Variants in PTPRD observed in about 807,000 individuals in gnomAD.
PTPRD encodes the protein receptor-type tyrosine-protein phosphatase delta.
Under a neutral mutation model 214.5 loss-of-function variants are expected in PTPRD, and 34 were observed. The ratio of observed to expected loss-of-function variants is 0.16; its 90% confidence interval spans 0.12 to 0.21. The LOEUF (loss-of-function observed/expected upper bound fraction) is 0.21, where lower values mean the gene tolerates loss of function less well. PTPRD is among the 10% of genes least tolerant of loss of function. The pLI, the probability that PTPRD is intolerant of heterozygous loss-of-function variation, is 1.00. For synonymous variants in PTPRD, 1,128 were observed against 845.7 expected (o/e 1.33, Z -5.79); for missense variants, 2,545 against 2,398.7 (o/e 1.06, Z -1.27).
chr9:10,011,480 T>C (rs1401674030), intron 4 of PTPRD, among the ~76,000 whole-genome samples: 1 of 151,974 alleles, frequency 6.6e-6, no homozygotes, highest in African/African-American at 2.4e-5. Context: ...TGCATAAGTA[T>C]CTTAAATTAG....
At chr9:8,432,243 C>T (rs1322794519) in intron 35 of PTPRD, among the ~76,000 whole-genome samples, 1 of 152,182 alleles carries the variant, frequency 6.6e-6, no homozygotes, top group East Asian at 1.9e-4. Context: ...ACTTAAATTC[C>T]AGCAGGACTT....
chr9:9,535,011 C>T lies in PTPRD; in HGVS notation c.-237+39721G>A, dbSNP rs139005970. The stretch of plus-strand genomic sequence containing the variant: ...AATTTTACAGACTAAATGTAGACAG[C>T]GAAATGTCCAAATAAAATGCAAGAT... On this transcript the variant is annotated intron_variant, in intron 8 of 45. Transcript: ENST00000381196. Among the ~76,000 whole-genome samples, 983 of 152,066 alleles carry T rather than the reference C, an allele frequency of 6.5e-3. 4 individuals are homozygous for T. Among genetic ancestry groups the T allele is most frequent in the Non-Finnish European group, 0.011 (742 of 67,972 alleles).
chr9:9,965,030 A>T (rs1287590666), intron 4 of PTPRD, among the ~76,000 whole-genome samples: 1 of 152,170 alleles, frequency 6.6e-6, no homozygotes, highest in Non-Finnish European at 1.5e-5. Context: ...CTCTTATTTC[A>T]ACAATGTGTA....
At chr9:9,985,802 T>G (rs995080303) in intron 4 of PTPRD, among the ~76,000 whole-genome samples, 3 of 151,962 alleles carry the variant, frequency 2.0e-5, no homozygotes, top group African/African-American at 7.2e-5. Context: ...TATTTTATAT[T>G]ATTAATGAGT....
At chr9:9,992,265 A>G (rs2154080565) in intron 4 of PTPRD, among the ~76,000 whole-genome samples, 1 of 152,344 alleles carries the variant, frequency 6.6e-6, no homozygotes, top group African/African-American at 2.4e-5. Context: ...CAATAAAGCT[A>G]CTAAAAGTTA....
chr9:10,258,466 ATG>A (rs1393986792), intron 3 of PTPRD, among the ~76,000 whole-genome samples: 2 of 152,228 alleles, frequency 1.3e-5, no homozygotes, highest in Non-Finnish European at 2.9e-5. Context: ...ACTACTAATA[ATG>A]TGTTTAGATC....
chr9:10,041,199 A>C (rs570194886), intron 3 of PTPRD, among the ~76,000 whole-genome samples: 3 of 152,010 alleles, frequency 2.0e-5, no homozygotes, highest in Non-Finnish European at 2.9e-5. Flanking sequence ...TTGTTTTTTC[A>C]TGCCCACACA....
chr9:8,720,516 G>T (rs1190612735), intron 12 of PTPRD, among the ~76,000 whole-genome samples: 2 of 152,152 alleles, frequency 1.3e-5, no homozygotes, highest in African/African-American at 4.8e-5. Context: ...CCATGATGAT[G>T]AGTAAAAAGT....
intron 2 of PTPRD, among the ~76,000 whole-genome samples, chr9:10,406,233 G>A (rs1342723558): frequency 6.6e-6 from 1 of 151,272 alleles, no homozygotes; most frequent in Non-Finnish European, 1.5e-5. Context: ...AATTTCAGCA[G>A]TTCACATAAT....
At chr9:10,252,631 A>C (rs2092888743) in intron 3 of PTPRD, among the ~76,000 whole-genome samples, 1 of 152,096 alleles carries the variant, frequency 6.6e-6, no homozygotes, top group Non-Finnish European at 1.5e-5. Flanking sequence ...TGTTTTAAGA[A>C]ACTGTTTGGG....
intron 8 of PTPRD, among the ~76,000 whole-genome samples, chr9:9,482,224 A>T (rs1476250205): frequency 6.6e-6 from 1 of 152,180 alleles, no homozygotes; most frequent in Non-Finnish European, 1.5e-5. Flanking sequence ...CCTCTTTATC[A>T]TATACCTGGA....
At chr9:9,086,256 G>A (rs2099766890) in intron 10 of PTPRD, among the ~76,000 whole-genome samples, 1 of 152,140 alleles carries the variant, frequency 6.6e-6, no homozygotes, top group Non-Finnish European at 1.5e-5. Flanking sequence ...ACTATTCATT[G>A]AGACTAATTC....
intron 9 of PTPRD, among the ~76,000 whole-genome samples, chr9:9,332,029 C>A (rs1037254093): frequency 2.6e-5 from 4 of 152,002 alleles, no homozygotes; most frequent in African/African-American, 9.7e-5. Context: ...CATATTTGTT[C>A]CCTCTCTGCG....
intron 7 of PTPRD, among the ~76,000 whole-genome samples, chr9:9,612,659 A>T (rs1185848043): frequency 6.6e-6 from 1 of 151,932 alleles, no homozygotes; most frequent in Non-Finnish European, 1.5e-5. Context: ...AATTATTGTA[A>T]TTTTTCACTA....
intron 12 of PTPRD, among the ~76,000 whole-genome samples, chr9:8,691,386 C>T (rs1283110036): frequency 7.3e-6 from 1 of 137,134 alleles, no homozygotes; most frequent in Non-Finnish European, 1.5e-5. Context: ...TGAGGCTGTT[C>T]TTCTCTAGAG....
At chr9:8,978,260 A>G (rs1283154631) in intron 11 of PTPRD, among the ~76,000 whole-genome samples, 1 of 152,120 alleles carries the variant, frequency 6.6e-6, no homozygotes, top group Non-Finnish European at 1.5e-5. Flanking sequence ...CAGCTGATGC[A>G]TGGACAACAT....
intron 12 of PTPRD, among the ~76,000 whole-genome samples, chr9:8,710,967 G>C (rs183220060): frequency 1.3e-5 from 2 of 152,146 alleles, no homozygotes; most frequent in East Asian, 3.9e-4. Context: ...TTTCTACTAA[G>C]TTTGGGAAAT....
At chr9:10,285,167 A>G (rs1485641579) in intron 3 of PTPRD, among the ~76,000 whole-genome samples, 3 of 152,176 alleles carry the variant, frequency 2.0e-5, no homozygotes, top group African/African-American at 7.2e-5. Flanking sequence ...CTAAGTTAAA[A>G]TGTAAAATAA....
At chr9:8,831,083 C>T (rs1387629024) in intron 11 of PTPRD, among the ~76,000 whole-genome samples, 1 of 152,150 alleles carries the variant, frequency 6.6e-6, no homozygotes, top group Admixed American at 6.6e-5. Context: ...TTTGGCATCA[C>T]TGAATCCAGC....
Sources: gnomAD v4.1 joint callset for allele counts (sites outside exome capture counted in the v4.1 genomes callset) on GRCh38, gnomAD v4.1.1 for gene constraint, MANE v1.5 for transcripts, NCBI Gene and HGNC (gene_info 2026-07-23, HGNC 2026-07-21) for gene names.